RFX7: variants seen among roughly 807,000 people sequenced by gnomAD.
The protein encoded by RFX7 is DNA-binding protein RFX7.
A neutral mutation model predicts 111.8 loss-of-function variants in RFX7; 26 were observed. The observed-to-expected ratio is 0.23, with a 90% CI of 0.17 to 0.32. The LOEUF is 0.32. RFX7 is among the 10% of genes least tolerant of loss of function. The pLI is 1.00. For missense variants in RFX7, 1,573 were observed against 1,772.9 expected (o/e 0.89, Z 2.02); for synonymous variants, 624 against 624.4 (o/e 1.00, Z 0.01).
At chr15:56,218,156 T>TC (rs1379307607) in intron 2 of RFX7, among the ~76,000 whole-genome samples, 9 of 136,576 alleles carry the variant, frequency 6.6e-5, no homozygotes, top group Non-Finnish European at 1.3e-4. Context: ...TTTTTTTTTT[T>TC]TTTTTTTTTT....
intron 4 of RFX7, among the ~76,000 whole-genome samples, chr15:56,143,459 C>A (rs60448972): frequency 5.9e-4 from 90 of 152,118 alleles, no homozygotes; most frequent in African/African-American, 2.1e-3. Context: ...AGATCCTGAA[C>A]AGACAAATCT....
intron 2 of RFX7, among the ~76,000 whole-genome samples, chr15:56,183,549 C>A (rs1567039739): frequency 6.6e-6 from 1 of 151,944 alleles, no homozygotes; most frequent in Non-Finnish European, 1.5e-5. Flanking sequence ...TTTTCTGGGC[C>A]TTTTCTGTTT....
intron 5 of RFX7, among the ~76,000 whole-genome samples, chr15:56,137,485 A>G (rs369414145): frequency 5.9e-5 from 9 of 152,024 alleles, no homozygotes; most frequent in Non-Finnish European, 1.2e-4. Context: ...TTTTTATTGC[A>G]TCTATTCGAT....
chr15:56,231,828 G>A (rs148307411), intron 2 of RFX7, among the ~76,000 whole-genome samples: 7,364 of 152,280 alleles, frequency 0.048, 272 homozygotes, highest in Non-Finnish European at 0.072. Flanking sequence ...TGGGGGTACA[G>A]GCATTGGATA....
Position 56,095,255 on chromosome 15 carries a change from C to T in RFX7, c.2473G>A (p.Gly825Arg). ...DLEKSVWELE[G>R]MPQDTYSQQL... ...TGGCTATATGTGTCCTGTGGCATTC[C>T]TTCTAATTCCCAAACAGATTTCTCT... Residue 825 changes from glycine to arginine, a missense_variant, in exon 10 of 10, where the codon GGA (glycine) becomes AGA (arginine). Physicochemically the swap from Gly to Arg is moderately radical, Grantham distance 125. Around this residue, in one of 7 missense-constraint regions of RFX7, gnomAD observed 625 missense variants for 632.2 expected, o/e 0.99. Transcript: ENST00000559447. 6.2e-7 allele frequency: 1 copy of T among 1,613,854 alleles called. No individual in the cohort carries two copies. Among genetic ancestry groups the T allele is most frequent in the Non-Finnish European group, 8.5e-7 (1 of 1,179,794 alleles).
chr15:56,199,704 T>C (rs2043176206), intron 2 of RFX7, among the ~76,000 whole-genome samples: 1 of 152,132 alleles, frequency 6.6e-6, no homozygotes, highest in South Asian at 2.1e-4. Flanking sequence ...AAACATGGTC[T>C]TGACAGGAAG....
At position 56,094,560 on chromosome 15, in the gene RFX7, G is replaced by A. The variant is rs2041644732; in HGVS notation, c.3168C>T (p.His1056=). ...VKPMQRPMAT[H]PDKTKLEWMN... ...TCCATTCAAGCTTGGTTTTGTCAGG[G>A]TGTGTGGCCATGGGTCTTTGCATCG... The change falls in exon 10 of 10, where the codon CAC becomes CAT. Residue 1056 remains histidine, a synonymous_variant. Transcript: ENST00000559447. 1 of 1,613,840 alleles carries A rather than the reference G, an allele frequency of 6.2e-7. No homozygotes were observed. Among genetic ancestry groups the A allele is most frequent in the African/African-American group, 1.3e-5 (1 of 74,906 alleles).
At chr15:56,208,821 T>C (rs72738666) in intron 2 of RFX7, among the ~76,000 whole-genome samples, 19,721 of 151,980 alleles carry the variant, frequency 0.13, 1,642 homozygotes, top group East Asian at 0.43. Context: ...AGGTTTAACT[T>C]GGTAGAAACC....
rs544066387 is a variant in RFX7 at position 56,090,379 on chromosome 15, A to G, written c.*2966T>C. Reference sequence around the variant, plus strand: ...AAGATCTGTGTATTCTTCTGGATTAATAGCACACAGCAGATCAGCAGCACT... The same window carrying G: ...AAGATCTGTGTATTCTTCTGGATTAGTAGCACACAGCAGATCAGCAGCACT... On this transcript the variant is annotated 3_prime_UTR_variant, in exon 10 of 10. Transcript: ENST00000559447. 2 of 152,360 alleles carry G rather than the reference A, an allele frequency of 1.3e-5. No individual in the cohort carries two copies. The highest frequency in any genetic ancestry group is 4.1e-4 in the South Asian group (2 of 4,830). 9.4% of individuals were successfully genotyped at this position (152,360 alleles called of 1,614,324 possible). A position where few individuals can be genotyped will look rare whatever the true frequency, so the allele number is the denominator to read the frequency against.
chr15:56,182,740 C>T (rs759255568), intron 2 of RFX7, among the ~76,000 whole-genome samples: 37 of 152,034 alleles, frequency 2.4e-4, no homozygotes, highest in Non-Finnish European at 5.0e-4. Context: ...TCATCTATTC[C>T]TCTACTGAAA....
chr15:56,098,510 T>C, intron 8 of RFX7, 134 bp from the exon 9 acceptor site: 3 of 804,958 alleles, frequency 3.7e-6, no homozygotes, highest in East Asian at 2.7e-5. Flanking sequence ...TCACAATTTC[T>C]TTATGAAGCA....
At chr15:56,125,966 C>T (rs370769259) in intron 5 of RFX7, among the ~76,000 whole-genome samples, 5 of 152,076 alleles carry the variant, frequency 3.3e-5, no homozygotes, top group African/African-American at 1.2e-4. Context: ...TGGAAGGAGT[C>T]TGTTTCATAG....
At chr15:56,121,810 CT>C (rs1686598804) in intron 5 of RFX7, among the ~76,000 whole-genome samples, 1 of 152,178 alleles carries the variant, frequency 6.6e-6, no homozygotes, top group Admixed American at 6.5e-5. Context: ...AAGTAAGAGA[CT>C]CTGATGCATT....
Position 56,242,313 on chromosome 15 carries a change from G to A in RFX7, c.161+812C>T, listed in dbSNP as rs532795462. ...TTCATGTTCAAAGAATATTGCAATG[G>A]CTCTAACAGTGGATGGACTTAGTGT... On this transcript the variant is annotated intron_variant, in intron 2 of 9. Transcript: ENST00000559447. Among the ~76,000 whole-genome samples the A allele has an allele frequency of 2.0e-5, 3 of 152,218 alleles. No homozygotes were observed. In the East Asian group the frequency reaches 5.8e-4, roughly 29 times the overall value.
chr15:56,116,886 A>G (rs1384836500), intron 5 of RFX7, among the ~76,000 whole-genome samples: 1 of 152,198 alleles, frequency 6.6e-6, no homozygotes, highest in Non-Finnish European at 1.5e-5. Context: ...AAACTGTACA[A>G]ATATTGAGTA....
At chr15:56,176,880 T>C (rs1387861453) in intron 3 of RFX7, among the ~76,000 whole-genome samples, 1 of 151,946 alleles carries the variant, frequency 6.6e-6, no homozygotes, top group African/African-American at 2.4e-5. Context: ...GCCTAACTAA[T>C]TTTCCTGCTT....
chr15:56,130,281 T>C (rs1858515109), intron 5 of RFX7, among the ~76,000 whole-genome samples: 1 of 152,140 alleles, frequency 6.6e-6, no homozygotes, highest in African/African-American at 2.4e-5. Flanking sequence ...ATTTTAAAAA[T>C]TGATAATTTG....
intron 2 of RFX7, among the ~76,000 whole-genome samples, chr15:56,195,860 T>C (rs771668959): frequency 1.3e-5 from 2 of 152,170 alleles, no homozygotes; most frequent in Non-Finnish European, 2.9e-5. Flanking sequence ...TTCCCTAATA[T>C]ACGCAACTCA....
At chr15:56,181,045 C>G (rs2042965670) in intron 2 of RFX7, among the ~76,000 whole-genome samples, 1 of 152,228 alleles carries the variant, frequency 6.6e-6, no homozygotes, top group Non-Finnish European at 1.5e-5. Flanking sequence ...CTACTCCCAA[C>G]AAAGTGGCCA....
Sources: allele counts gnomAD v4.1 joint callset (sites outside exome capture counted in the v4.1 genomes callset), GRCh38; gene constraint gnomAD v4.1.1; regional missense constraint gnomAD v4.1.1; transcripts MANE v1.5; gene names NCBI Gene and HGNC (gene_info 2026-07-23, HGNC 2026-07-21).